LTBP1: variants seen among roughly 807,000 people sequenced by gnomAD.
LTBP1 encodes latent transforming growth factor beta binding protein 1, also known as latent-transforming growth factor beta-binding protein 1.
LTBP1 carries 129 observed loss-of-function variants against 207.6 expected under a neutral mutation model. The observed-to-expected ratio is 0.62, with a 90% CI of 0.54 to 0.72. The LOEUF (loss-of-function observed/expected upper bound fraction) is 0.72, where lower values mean the gene tolerates loss of function less well. Among genes scored for constraint, LTBP1 ranks in the 30% least tolerant of loss-of-function variants. The probability of loss-of-function intolerance (pLI) is 0.00; values close to 1 mark genes in which losing one functional copy is unlikely to be tolerated. For synonymous variants in LTBP1, 963 were observed against 833.7 expected (o/e 1.16, Z -2.67); for missense variants, 2,281 against 2,217.2 (o/e 1.03, Z -0.58).
intron 5 of LTBP1, among the ~76,000 whole-genome samples, chr2:33,151,238 C>T (rs557247284): frequency 1.3e-5 from 2 of 152,112 alleles, no homozygotes; most frequent in South Asian, 4.2e-4. Context: ...GTTTGAGTTC[C>T]TGCTTTGAAT....
At chr2:33,215,862 C>G (rs558820179) in intron 7 of LTBP1, among the ~76,000 whole-genome samples, 1 of 151,934 alleles carries the variant, frequency 6.6e-6, no homozygotes, top group Non-Finnish European at 1.5e-5. Context: ...ACTAGAGGCA[C>G]GCACCACCAC....
chr2:33,369,370 T>C (rs1286201537), intron 31 of LTBP1, among the ~76,000 whole-genome samples: 3 of 152,184 alleles, frequency 2.0e-5, no homozygotes, highest in Admixed American at 6.5e-5. Flanking sequence ...GTTAACTGTA[T>C]TGTAATTTTA....
intron 5 of LTBP1, among the ~76,000 whole-genome samples, chr2:33,167,712 C>T (rs2085052181): frequency 6.6e-6 from 1 of 152,196 alleles, no homozygotes; most frequent in Non-Finnish European, 1.5e-5. Context: ...AGGCTGTATA[C>T]AACCGTGTAT....
At chr2:33,382,682 T>C (rs1277986407) in intron 31 of LTBP1, among the ~76,000 whole-genome samples, 1 of 152,206 alleles carries the variant, frequency 6.6e-6, no homozygotes, top group East Asian at 1.9e-4. Flanking sequence ...AAAGAGTACC[T>C]TAATTCCGTG....
At chr2:33,330,689 C>T (rs1425918914) in intron 24 of LTBP1, among the ~76,000 whole-genome samples, 1 of 151,054 alleles carries the variant, frequency 6.6e-6, no homozygotes, top group Non-Finnish European at 1.5e-5. Context: ...AATTTGTTTT[C>T]CTTATAGCAG....
At chr2:33,223,687 G>A (rs2149449117) in intron 9 of LTBP1, among the ~76,000 whole-genome samples, 1 of 152,278 alleles carries the variant, frequency 6.6e-6, no homozygotes. Flanking sequence ...AGTAGAAATG[G>A]AATGAACAGG....
chr2:33,338,709 G>A (rs972880684), intron 24 of LTBP1, among the ~76,000 whole-genome samples: 3 of 152,130 alleles, frequency 2.0e-5, no homozygotes, highest in South Asian at 2.1e-4. Context: ...GGGGAAAGGG[G>A]TGGCATGGAG....
At chr2:33,075,570 T>C (rs2149797513) in intron 3 of LTBP1, among the ~76,000 whole-genome samples, 1 of 152,330 alleles carries the variant, frequency 6.6e-6, no homozygotes, top group African/African-American at 2.4e-5. Flanking sequence ...TGTAAAAAAT[T>C]CCTTCCCACT....
chr2:33,104,832 C>T (rs767423314), intron 3 of LTBP1, among the ~76,000 whole-genome samples: 18 of 152,224 alleles, frequency 1.2e-4, no homozygotes, highest in Non-Finnish European at 2.4e-4. Flanking sequence ...ATCATTCTTG[C>T]CCTCTCGAGA....
chr2:33,365,647 G>GTATGTGT (rs2094977312), intron 31 of LTBP1, 144 bp downstream of exon 31: 1 of 755,218 alleles, frequency 1.3e-6, no homozygotes, highest in African/African-American at 1.8e-5. Context: ...GTGTGTGTGT[G>GTATGTGT]TGTAGGGCAG....
chr2:32,980,016 G>A (rs1183976857), intron 2 of LTBP1, among the ~76,000 whole-genome samples: 3 of 151,766 alleles, frequency 2.0e-5, no homozygotes. Flanking sequence ...GTTTCCATTG[G>A]TATGGAATAT....
intron 19 of LTBP1, among the ~76,000 whole-genome samples, chr2:33,292,166 C>T (rs2093787323): frequency 6.6e-6 from 1 of 152,172 alleles, no homozygotes; most frequent in Non-Finnish European, 1.5e-5. Context: ...ACAGAACTTA[C>T]ATGTTTATTT....
At chr2:33,118,951 C>A (rs1386067346) in intron 4 of LTBP1, among the ~76,000 whole-genome samples, 1 of 152,048 alleles carries the variant, frequency 6.6e-6, no homozygotes, top group Non-Finnish European at 1.5e-5. Context: ...ACTTACCCAG[C>A]AATATGAAAA....
chr2:33,207,695 G>A (rs1180018241), intron 7 of LTBP1, among the ~76,000 whole-genome samples: 1 of 152,192 alleles, frequency 6.6e-6, no homozygotes, highest in Non-Finnish European at 1.5e-5. Context: ...AGAACAAGTT[G>A]ATCAAATATG....
At chr2:33,175,701 A>G (rs898022288) in intron 5 of LTBP1, among the ~76,000 whole-genome samples, 3 of 152,166 alleles carry the variant, frequency 2.0e-5, no homozygotes, top group Non-Finnish European at 2.9e-5. Flanking sequence ...AGACACATGC[A>G]CACGTATGTT....
At chr2:33,331,739 A>G (rs77037335) in intron 24 of LTBP1, among the ~76,000 whole-genome samples, 11,040 of 152,116 alleles carry the variant, frequency 0.073, 688 homozygotes, top group African/African-American at 0.17. Flanking sequence ...CTATATCCCT[A>G]CCGATTTTTT....
At chr2:33,293,758 G>A (rs536942450) in intron 20 of LTBP1, among the ~76,000 whole-genome samples, 14 of 152,140 alleles carry the variant, frequency 9.2e-5, no homozygotes, top group East Asian at 7.7e-4. Context: ...TTCATATTTC[G>A]TGGATATTGT....
intron 4 of LTBP1, among the ~76,000 whole-genome samples, chr2:33,114,815 T>C (rs1440306840): frequency 1.3e-5 from 2 of 152,070 alleles, no homozygotes; most frequent in African/African-American, 4.8e-5. Flanking sequence ...CAACACAGTA[T>C]CACATTAAGA....
intron 2 of LTBP1, among the ~76,000 whole-genome samples, chr2:32,999,127 T>C (rs1685723693): frequency 6.6e-6 from 1 of 152,206 alleles, no homozygotes; most frequent in African/African-American, 2.4e-5. Context: ...TAGATCCTTG[T>C]GATTCAAAAT....
Sources: allele counts gnomAD v4.1 joint callset (sites outside exome capture counted in the v4.1 genomes callset), GRCh38; gene constraint gnomAD v4.1.1; transcripts MANE v1.5; gene names NCBI Gene and HGNC (gene_info 2026-07-23, HGNC 2026-07-21).